FRAS1: variants seen among roughly 807,000 people sequenced by gnomAD.
The protein encoded by FRAS1 is Fraser extracellular matrix complex subunit 1.
A neutral mutation model predicts 435.2 loss-of-function variants in FRAS1; 290 were observed. The observed-to-expected ratio is 0.67, with a 90% CI of 0.61 to 0.73. The LOEUF (loss-of-function observed/expected upper bound fraction) is 0.73. FRAS1 is among the 30% of genes least tolerant of loss of function. The pLI is 0.00. For synonymous variants in FRAS1, 1,800 were observed against 1,851.0 expected (o/e 0.97, Z 0.71); for missense variants, 4,860 against 5,001.5 (o/e 0.97, Z 0.85).
chr4:78,363,525 T>C lies in FRAS1; in HGVS notation c.2435T>C (p.Leu812Pro). 3.1e-6 allele frequency: 5 copies of C among 1,611,554 alleles called. No individual in the cohort carries two copies. The highest frequency in any genetic ancestry group is 4.2e-6 in the Non-Finnish European group (5 of 1,178,682). ...CTTCCCCCTCCAGACTGCCATCACC[T>C]GTGCCAGCACTGTGCAGCTGATCTC... ...LVGYCADCHH[L>P]CQHCAADLHN... Residue 812 changes from leucine to proline, a missense_variant, in exon 21 of 74, where the codon CTG becomes CCG. Coordinates refer to ENST00000512123, the MANE Select transcript of FRAS1 (RefSeq NM_025074.7).
Position 78,387,653 on chromosome 4 carries a change from T to G in FRAS1, c.3927T>G (p.Asp1309Glu). The change falls in exon 29 of 74, where the codon GAT becomes GAG. Residue 1309 changes from aspartate to glutamate, a missense_variant. Physicochemically the swap from Asp to Glu is conservative, Grantham distance 45 (BLOSUM62 2). Transcript: ENST00000512123. The stretch of plus-strand genomic sequence containing the variant: ...ATGTTGCAGTCTTGCAGGCCAATGA[T>G]GGACACTCCTTCCATAATATACTGT... ...TSDVAVLQAN[D>E]GHSFHNILFQ... 1.3e-6 allele frequency: 2 copies of G among 1,598,698 alleles called. No homozygotes were observed. The highest frequency in any genetic ancestry group is 1.1e-5 in the South Asian group (1 of 88,146).
intron 15 of FRAS1, among the ~76,000 whole-genome samples, chr4:78,310,900 T>C (rs540252546): frequency 6.6e-6 from 1 of 152,222 alleles, no homozygotes; most frequent in Non-Finnish European, 1.5e-5. Flanking sequence ...AATCTCAAAG[T>C]CAAGTACTTA....
At chr4:78,185,535 A>G (rs960756462) in intron 2 of FRAS1, among the ~76,000 whole-genome samples, 6 of 152,292 alleles carry the variant, frequency 3.9e-5, no homozygotes, top group Admixed American at 2.0e-4. Context: ...TTTGAATATG[A>G]GTATTTTTTT....
chr4:78,067,327 C>T (rs1440771513), intron 2 of FRAS1, among the ~76,000 whole-genome samples: 1 of 152,168 alleles, frequency 6.6e-6, no homozygotes, highest in African/African-American at 2.4e-5. Context: ...CAGAACAAGA[C>T]ATCCTGTCTT....
At chr4:78,373,035 C>G (rs987099597) in intron 24 of FRAS1, among the ~76,000 whole-genome samples, 177 bp downstream of exon 24, 4 of 152,054 alleles carry the variant, frequency 2.6e-5, no homozygotes, top group Non-Finnish European at 4.4e-5. Context: ...ATCTTCCATG[C>G]CTTAATAAGA....
intron 2 of FRAS1, among the ~76,000 whole-genome samples, chr4:78,199,759 A>T (rs553461722): frequency 3.9e-5 from 6 of 152,312 alleles, no homozygotes; most frequent in African/African-American, 1.4e-4. Flanking sequence ...GTGCATTAGG[A>T]TCAATGATGG....
At chr4:78,079,627 G>A (rs1451250796) in intron 2 of FRAS1, among the ~76,000 whole-genome samples, 1 of 152,012 alleles carries the variant, frequency 6.6e-6, no homozygotes, top group East Asian at 1.9e-4. Context: ...ATCTCTCTTG[G>A]CTACACTTTC....
At chr4:78,446,454 T>A (rs534382583) in intron 42 of FRAS1, 1 of 1,222,920 alleles carries the variant, frequency 8.2e-7, no homozygotes, top group Non-Finnish European at 1.0e-6. Flanking sequence ...ATATCCATAT[T>A]TTTGGTCTAG....
chr4:78,252,361 C>CG, intron 4 of FRAS1, 31 bp from the exon 5 acceptor site: 1 of 1,371,670 alleles, frequency 7.3e-7, no homozygotes, highest in East Asian at 2.6e-5. Flanking sequence ...TGGCACTAAC[C>CG]TTTTTTTTTT....
chr4:78,121,688 C>T (rs1719031974), intron 2 of FRAS1, among the ~76,000 whole-genome samples: 1 of 152,216 alleles, frequency 6.6e-6, no homozygotes, highest in Non-Finnish European at 1.5e-5. Flanking sequence ...TTTGGTTACG[C>T]TTGAGCTCTA....
At position 78,089,648 on chromosome 4, in the gene FRAS1, C is replaced by A. The variant is rs557178071; in HGVS notation, c.108+23632C>A. The stretch of plus-strand genomic sequence containing the variant: ...TCTCATTTTGTTTACCTGAAGAACA[C>A]ATAATATAAAAGTAGCCAATTGCTC... On this transcript the variant is annotated intron_variant, in intron 2 of 73. Coordinates refer to ENST00000512123, the MANE Select transcript of FRAS1 (RefSeq NM_025074.7). Among the ~76,000 whole-genome samples the A allele has an allele frequency of 3.6e-5, 3 of 83,138 alleles. No homozygotes were observed. The East Asian group carries it at 2.3e-3, about 64-fold the overall frequency. The allele number at this position is 83,138 out of a possible 152,430, so 54.5% of individuals were successfully genotyped here.
chr4:78,140,218 CAA>C (rs1476653981), intron 2 of FRAS1, among the ~76,000 whole-genome samples: 1 of 152,060 alleles, frequency 6.6e-6, no homozygotes, highest in Non-Finnish European at 1.5e-5. Context: ...AAAATATACC[CAA>C]GAGAACATTA....
At chr4:78,065,430 C>T (rs1429312500) in intron 1 of FRAS1, among the ~76,000 whole-genome samples, 1 of 151,816 alleles carries the variant, frequency 6.6e-6, no homozygotes, top group African/African-American at 2.4e-5. Context: ...GATGTAGGCA[C>T]AAAATGCTAG....
intron 54 of FRAS1, among the ~76,000 whole-genome samples, chr4:78,476,398 CTT>C (rs1212213822): frequency 6.8e-6 from 1 of 147,784 alleles, no homozygotes; most frequent in Non-Finnish European, 1.5e-5. Flanking sequence ...AAATAGTCAA[CTT>C]AAATAGTCAA....
chr4:78,161,758 AAAAAAAAAAAAAAAG>A (rs1253153676), intron 2 of FRAS1, among the ~76,000 whole-genome samples: 5 of 147,474 alleles, frequency 3.4e-5, no homozygotes, highest in African/African-American at 1.3e-4. Flanking sequence ...AAAAAAAAAA[AAAAAAAAAAAAAAAG>A]AAAAGAAAAG....
intron 31 of FRAS1, among the ~76,000 whole-genome samples, chr4:78,412,751 C>A (rs1454193039): frequency 2.0e-5 from 3 of 152,076 alleles, no homozygotes; most frequent in African/African-American, 7.2e-5. Flanking sequence ...TGCTTTCCTG[C>A]ATTTTCAACT....
chr4:78,518,950 G>A (rs1721300769), intron 66 of FRAS1, among the ~76,000 whole-genome samples: 1 of 152,108 alleles, frequency 6.6e-6, no homozygotes, highest in African/African-American at 2.4e-5. Flanking sequence ...ATCAATACAG[G>A]GAGTTTGTAC....
chr4:78,057,654 A>C lies in FRAS1; in HGVS notation c.-356A>C. 3.1e-6 allele frequency: 1 copy of C among 326,860 alleles called. No individual in the cohort carries two copies. The highest frequency in any genetic ancestry group is 5.7e-6 in the Non-Finnish European group (1 of 176,222). The allele number at this position is 326,860 out of a possible 1,614,324, so 20.2% of individuals were successfully genotyped here. ...GATCGGAAGGGTCTAGCCCGAGGGA[A>C]ATGCTGGAAGATCCCATCGGCCAGT... On this transcript the variant is annotated 5_prime_UTR_variant, in exon 1 of 74. Coordinates refer to ENST00000512123, the MANE Select transcript of FRAS1 (RefSeq NM_025074.7). The surrounding 1 kb of genome is among the most constrained non-coding windows in gnomAD (Gnocchi z 4.2).
At chr4:78,504,891 C>T (rs550298596) in intron 61 of FRAS1, among the ~76,000 whole-genome samples, 1 of 152,296 alleles carries the variant, frequency 6.6e-6, no homozygotes, top group Non-Finnish European at 1.5e-5. Flanking sequence ...TTTAGTGCTT[C>T]CTTCAGGAGC....
Sources: gnomAD v4.1 joint callset for allele counts (sites outside exome capture counted in the v4.1 genomes callset) on GRCh38, gnomAD v4.1.1 for gene constraint, Gnocchi (gnomAD v3.1) non-coding constraint, MANE v1.5 for transcripts, NCBI Gene and HGNC (gene_info 2026-07-23, HGNC 2026-07-21) for gene names.